ZIC4: variants seen among roughly 807,000 people sequenced by gnomAD.
ZIC4 encodes Zic family zinc finger 4.
Under a neutral mutation model 28.8 loss-of-function variants are expected in ZIC4, and 15 were observed. The ratio of observed to expected loss-of-function variants is 0.52; its 90% CI spans 0.35 to 0.80. The LOEUF is 0.80. Ranked by LOEUF, ZIC4 falls within the 30% of genes least tolerant of loss-of-function variation. The pLI is 0.01. For synonymous variants in ZIC4, 220 were observed against 198.1 expected, an observed-to-expected ratio of 1.11 and a Z score of -0.93; for missense variants, 512 against 467.1, an observed-to-expected ratio of 1.10 and a Z score of -0.89.
rs539717495 is a variant in ZIC4, at chr3:147,403,734, G to A, written c.-15-922C>T. 6 of 417,582 alleles carry A rather than the reference G, an allele frequency of 1.4e-5. No individual in the cohort carries two copies. The East Asian group carries it at 2.4e-4, about 17-fold the overall frequency. The allele number at this position is 417,582 out of a possible 1,614,324, so 25.9% of individuals were successfully genotyped here. On this transcript the variant is annotated intron_variant, in intron 1 of 4. Transcript: ENST00000383075. ...CAAACACAGCAAGTCCTCTGTCAAT[G>A]GGGATGTCTGCCCACAGAACAAGCA...
intron 3 of ZIC4, 148 bp from the exon 4 acceptor site, chr3:147,391,394 C>A (rs1262541657): frequency 1.9e-6 from 2 of 1,061,726 alleles, no homozygotes; most frequent in East Asian, 5.3e-5. Flanking sequence ...AGGTCGAGCA[C>A]CCCTTTCCCT....
At chr3:147,393,044 A>G (rs1303845400) in intron 3 of ZIC4, 1 of 151,942 alleles carries the variant, frequency 6.6e-6, no homozygotes, top group Non-Finnish European at 1.5e-5. Flanking sequence ...ATTACAAAAA[A>G]CATACAATTC....
At chr3:147,392,093 T>C (rs2086936026) in intron 3 of ZIC4, 1 of 985,586 alleles carries the variant, frequency 1.0e-6, no homozygotes, top group Non-Finnish European at 1.2e-6. Flanking sequence ...TGACTTGCGA[T>C]GTCGACCGGT....
chr3:147,392,198 G>C, intron 3 of ZIC4: 1 of 985,586 alleles, frequency 1.0e-6, no homozygotes, highest in Non-Finnish European at 1.2e-6. Context: ...GGGATCCGAG[G>C]TGTCTACCGC....
chr3:147,402,112 G>C (rs529027065), intron 2 of ZIC4, among the ~76,000 whole-genome samples: 35 of 152,158 alleles, frequency 2.3e-4, no homozygotes, highest in Non-Finnish European at 8.8e-5. Flanking sequence ...GCCTGGAAGG[G>C]AAAATACCAC....
At chr3:147,395,823 G>T (rs772047951) in intron 3 of ZIC4, 29 bp downstream of exon 3, 15 of 1,586,236 alleles carry the variant, frequency 9.5e-6, no homozygotes, top group Non-Finnish European at 1.3e-5. Context: ...CAGAGGGTCC[G>T]CACGCGACAG....
intron 2 of ZIC4, among the ~76,000 whole-genome samples, chr3:147,402,197 C>T (rs879719438): frequency 7.9e-5 from 12 of 152,202 alleles, no homozygotes; most frequent in Admixed American, 7.9e-4. Flanking sequence ...GACAGAGCAG[C>T]TGTCAGTCAC....
chr3:147,404,029 A>G, intron 1 of ZIC4: 1 of 1,537,222 alleles, frequency 6.5e-7, no homozygotes. Context: ...CCCAAAGGTA[A>G]TAAGCTCCTT....
chr3:147,402,128 A>C (rs1158722641), intron 2 of ZIC4, among the ~76,000 whole-genome samples: 1 of 152,168 alleles, frequency 6.6e-6, no homozygotes, highest in Non-Finnish European at 1.5e-5. Context: ...ACCACCCTAA[A>C]TCATATGCTT....
At chr3:147,395,715 A>G in intron 3 of ZIC4, 137 bp downstream of exon 3, 1 of 1,345,124 alleles carries the variant, frequency 7.4e-7, no homozygotes, top group Non-Finnish European at 1.0e-6. Context: ...GCGCATAATT[A>G]ATATTTTATG....
Position 147,390,935 on chromosome 3 carries a change from C to A in ZIC4, c.1000G>T (p.Glu334Ter). 6.2e-7 allele frequency: 1 copy of A among 1,608,074 alleles called. No individual in the cohort carries two copies. The highest frequency in any genetic ancestry group is 1.1e-5 in the South Asian group (1 of 90,418). Residue 334 changes from glutamate to a stop codon, truncating the protein, a stop_gained, in exon 4 of 5, where the codon GAA (glutamate) becomes TAA (stop). Coordinates refer to ENST00000383075, the MANE Select transcript of ZIC4 (RefSeq NM_032153.6). LOFTEE classifies it high-confidence loss of function. ...AVAARTADLSE is the reference protein window; with the variant it reads ...AVAARTADLS Reference sequence around the variant, plus strand: ...CCCAAGCCCTGACACACGTACCATTCGCTCAAGTCGGCGGTACGCGCCGCC... The same window carrying A: ...CCCAAGCCCTGACACACGTACCATTAGCTCAAGTCGGCGGTACGCGCCGCC...
At chr3:147,394,141 T>A (rs979450851) in intron 3 of ZIC4, among the ~76,000 whole-genome samples, 2 of 150,998 alleles carry the variant, frequency 1.3e-5, no homozygotes, top group African/African-American at 2.4e-5. Context: ...TCTCTCTCTC[T>A]CACTCTCTCT....
At chr3:147,393,607 A>C in intron 3 of ZIC4, 1 of 281,430 alleles carries the variant, frequency 3.6e-6, no homozygotes, top group East Asian at 1.2e-4. Context: ...CCGCCGAACA[A>C]AGTTCGGAAG....
intron 3 of ZIC4, chr3:147,393,444 G>C (rs2086970156): frequency 6.3e-6 from 1 of 158,974 alleles, no homozygotes; most frequent in Non-Finnish European, 1.4e-5. Context: ...TGCGCCCTGG[G>C]TGGGTGGGTG....
chr3:147,388,143 G>A lies in ZIC4; in HGVS notation c.*716C>T, dbSNP rs2086830128. The stretch of plus-strand genomic sequence containing the variant: ...CTAGAAAGGAAGTATATACTGGAGA[G>A]CGCAGTGACAGTATTAAATGGCGTG... On this transcript the variant is annotated 3_prime_UTR_variant, in exon 5 of 5. Transcript: ENST00000383075. 1 of 152,620 alleles carries A rather than the reference G, an allele frequency of 6.6e-6. No individual in the cohort carries two copies. The highest frequency in any genetic ancestry group is 2.4e-5 in the African/African-American group (1 of 41,430). 9.5% of individuals were successfully genotyped at this position (152,620 alleles called of 1,614,324 possible). A position where few individuals can be genotyped will look rare whatever the true frequency, so the allele number is the denominator to read the frequency against.
rs2087052145 is a variant in ZIC4 at position 147,396,667 on chromosome 3, G to C, written c.71-198C>G. On this transcript the variant is annotated intron_variant, in intron 2 of 4. Transcript: ENST00000383075. This position sits in a 1 kb window ranked among gnomAD's most constrained non-coding sequence, Gnocchi z 4.2. ...ACCTCCGCCGCCATTGGGCCGAATT[G>C]CTGTTGGGCCAAGTCCCCCGCCGCG... The C allele has an allele frequency of 1.7e-6, 1 of 598,200 alleles. No homozygotes were observed. Among genetic ancestry groups the C allele is most frequent in the African/African-American group, 1.9e-5 (1 of 52,652 alleles). 37.1% of individuals were successfully genotyped at this position (598,200 alleles called of 1,614,324 possible).
Position 147,396,692 on chromosome 3 carries a change from G to A in ZIC4, c.71-223C>T, listed in dbSNP as rs1415048577. ...GCTGTTGGGCCAAGTCCCCCGCCGC[G>A]CCATGAGCTAGAGAGGGATGGTAGC... On this transcript the variant is annotated intron_variant, in intron 2 of 4. Coordinates refer to ENST00000383075, the MANE Select transcript of ZIC4 (RefSeq NM_032153.6). The surrounding 1 kb of genome is among the most constrained non-coding windows in gnomAD (Gnocchi z 4.2). 5.9e-6 allele frequency: 3 copies of A among 510,046 alleles called. No homozygotes were observed. In the African/African-American group the frequency reaches 5.9e-5, roughly 10 times the overall value. 31.6% of individuals were successfully genotyped at this position (510,046 alleles called of 1,614,324 possible).
intron 2 of ZIC4, among the ~76,000 whole-genome samples, chr3:147,401,658 G>C (rs1181758210): frequency 6.6e-6 from 1 of 152,134 alleles, no homozygotes; most frequent in Non-Finnish European, 1.5e-5. Flanking sequence ...GCCCCAGGAG[G>C]CCATCCGTAT....
chr3:147,401,856 A>G (rs1395150475), intron 2 of ZIC4, among the ~76,000 whole-genome samples: 1 of 152,248 alleles, frequency 6.6e-6, no homozygotes, highest in Non-Finnish European at 1.5e-5. Context: ...CTGTGACAAA[A>G]GCTTAGGAAA....
Sources: allele counts gnomAD v4.1 joint callset (sites outside exome capture counted in the v4.1 genomes callset), GRCh38; gene constraint gnomAD v4.1.1; non-coding constraint Gnocchi (gnomAD v3.1); transcripts MANE v1.5; gene names NCBI Gene and HGNC (gene_info 2026-07-23, HGNC 2026-07-21).